Variants in PKP1 observed in about 807,000 individuals in gnomAD.
The protein encoded by PKP1 is plakophilin 1, also known as plakophilin-1.
In PKP1, 27 loss-of-function variants were observed where a neutral mutation model predicts 76.4. The ratio of observed to expected loss-of-function variants is 0.35; its 90% CI spans 0.26 to 0.49. The LOEUF is 0.49. Among genes scored for constraint, PKP1 ranks in the 20% least tolerant of loss-of-function variants. The pLI, the probability that PKP1 is intolerant of heterozygous loss-of-function variation, is 0.99. For missense variants in PKP1, 964 were observed against 955.2 expected, an observed-to-expected ratio of 1.01 and a Z score of -0.12; for synonymous variants, 404 against 384.2, an observed-to-expected ratio of 1.05 and a Z score of -0.60.
intron 12 of PKP1, chr1:201,328,395 A>T (rs1657212633): frequency 2.9e-6 from 1 of 350,240 alleles, no homozygotes; most frequent in African/African-American, 2.1e-5. Context: ...TTGTTTAAAA[A>T]AAGAAAAGAT....
rs200793499 is a variant in PKP1, at chr1:201,322,997, G to A, written c.1504-16G>A. On this transcript the variant is annotated splice_polypyrimidine_tract_variant and intron_variant, in intron 8 of 13. Transcript: ENST00000367324. ...AGGCTCCCCATTGACCCCCCTGACC[G>A]GCTCTTTATCCTCAGAACAACAACT... The A allele has an allele frequency of 1.7e-5, 27 of 1,613,520 alleles. No individual in the cohort carries two copies. The highest frequency in any genetic ancestry group is 9.3e-5 in the African/African-American group (7 of 75,006).
At chr1:201,289,301 G>A (rs1165286245) in intron 1 of PKP1, among the ~76,000 whole-genome samples, 1 of 152,244 alleles carries the variant, frequency 6.6e-6, no homozygotes, top group African/African-American at 2.4e-5. Context: ...AGATTTCAGA[G>A]GGTGAAGTAA....
chr1:201,287,893 A>G (rs1394194869), intron 1 of PKP1, among the ~76,000 whole-genome samples: 2 of 152,226 alleles, frequency 1.3e-5, no homozygotes, highest in South Asian at 4.1e-4. Context: ...CGAATGTTAG[A>G]TATCTTCATG....
At chr1:201,301,071 C>T (rs1481885327) in intron 2 of PKP1, among the ~76,000 whole-genome samples, 2 of 152,322 alleles carry the variant, frequency 1.3e-5, no homozygotes, top group East Asian at 1.9e-4. Flanking sequence ...AACAATGCTC[C>T]TCAGGGCCGA....
At chr1:201,315,460 A>T (rs1051164301) in intron 3 of PKP1, among the ~76,000 whole-genome samples, 5 of 151,604 alleles carry the variant, frequency 3.3e-5, no homozygotes, top group Non-Finnish European at 7.4e-5. Context: ...CCACCCTGTG[A>T]CTCTACACCA....
At chr1:201,291,169 T>C (rs1002728213) in intron 1 of PKP1, among the ~76,000 whole-genome samples, 2 of 152,134 alleles carry the variant, frequency 1.3e-5, no homozygotes, top group African/African-American at 4.8e-5. Flanking sequence ...CCGCCCCAAA[T>C]ACTGTCACCT....
intron 1 of PKP1, 61 bp downstream of exon 1, chr1:201,283,965 C>G: frequency 1.3e-6 from 2 of 1,484,976 alleles, no homozygotes; most frequent in Non-Finnish European, 1.9e-6. Context: ...GGCCCAGTGG[C>G]GGGGACCAAG....
chr1:201,308,240 G>A (rs1306311582), intron 2 of PKP1, among the ~76,000 whole-genome samples: 5 of 152,192 alleles, frequency 3.3e-5, no homozygotes, highest in Admixed American at 1.3e-4. Flanking sequence ...CCTACCTACC[G>A]CCAGCCCACT....
Position 201,323,155 on chromosome 1 carries a change from G to T in PKP1, c.1646G>T (p.Gly549Val), listed in dbSNP as rs202228705. 3 of 1,614,118 alleles carry T rather than the reference G, an allele frequency of 1.9e-6. No individual in the cohort carries two copies. Among genetic ancestry groups the T allele is most frequent in the Non-Finnish European group, 1.7e-6 (2 of 1,180,034 alleles). The change falls in exon 9 of 14, where the codon GGT (glycine) becomes GTT (valine). Residue 549 changes from glycine to valine, a missense_variant. Physicochemically the swap from Gly to Val is moderately radical, Grantham distance 109. Coordinates refer to ENST00000367324, the MANE Select transcript of PKP1 (RefSeq NM_001005337.3). The part of the protein sequence containing the change: ...KKDATLEACA[G>V]ALQNLTASKG... ...GATGCTACCCTGGAGGCCTGTGCTG[G>T]TGCCCTGCAGAACCTGACAGCCAGC...
intron 2 of PKP1, among the ~76,000 whole-genome samples, chr1:201,296,324 A>G (rs910453253): frequency 2.0e-5 from 3 of 152,220 alleles, no homozygotes; most frequent in Non-Finnish European, 4.4e-5. Flanking sequence ...GCGAAAAGGC[A>G]ATAGAGATCT....
intron 12 of PKP1, 142 bp downstream of exon 12, chr1:201,325,980 G>T (rs1033186359): frequency 4.4e-6 from 3 of 684,082 alleles, no homozygotes; most frequent in Non-Finnish European, 8.1e-6. Context: ...CAGCGTCTAC[G>T]TGAAAATGAA....
In PKP1 at chr1:201,313,480, C is replaced by G; in HGVS notation, c.621C>G (p.Ala207=). ...GCCCTGTGCGCCCGCCCTCTTGTGC[C>G]TCCAAGCAGGACCCTGTGTATATCC... The part of the protein sequence containing the change: ...KKCPVRPPSC[A]SKQDPVYIPP... The change falls in exon 3 of 14, where the codon GCC becomes GCG. Residue 207 remains alanine, a synonymous_variant. Transcript: ENST00000367324. 3 of 1,613,676 alleles carry G rather than the reference C, an allele frequency of 1.9e-6. No individual in the cohort carries two copies. Among genetic ancestry groups the G allele is most frequent in the Non-Finnish European group, 2.5e-6 (3 of 1,179,900 alleles).
At chr1:201,323,752 C>CAG (rs1657021493) in intron 9 of PKP1, among the ~76,000 whole-genome samples, 1 of 152,168 alleles carries the variant, frequency 6.6e-6, no homozygotes, top group East Asian at 1.9e-4. Flanking sequence ...GGGAACCGAG[C>CAG]AGCAGCAGCA....
chr1:201,287,498 C>T (rs926376929), intron 1 of PKP1, among the ~76,000 whole-genome samples: 2 of 152,154 alleles, frequency 1.3e-5, no homozygotes, highest in South Asian at 2.1e-4. Flanking sequence ...TTCTTGGGAC[C>T]GAAGCTGAGA....
intron 6 of PKP1, chr1:201,320,030 G>A (rs936336349): frequency 1.5e-5 from 12 of 823,370 alleles, no homozygotes; most frequent in Non-Finnish European, 1.9e-5. Context: ...TTGGCTAAAT[G>A]GTTTCTCTTT....
intron 3 of PKP1, 53 bp downstream of exon 3, chr1:201,313,613 A>T: frequency 1.3e-6 from 2 of 1,569,848 alleles, no homozygotes; most frequent in Non-Finnish European, 1.7e-6. Flanking sequence ...GGGGAGACAC[A>T]CCCTTAGCCT....
rs145561852 is a variant in PKP1 at position 201,318,692 on chromosome 1, G to C, written c.1129G>C (p.Asp377His). ...TGCCGACGCCCTGCCTGTTCTGGCC[G>C]ACCGCGTCATCATTCCCTTCTCTGG... ...LIADALPVLA[D>H]RVIIPFSGWC... Residue 377 changes from aspartate (D) to histidine (H), a missense_variant, in exon 6 of 14, where the codon GAC (aspartate) becomes CAC (histidine). By Grantham distance (81) the Asp-to-His change is moderately conservative (BLOSUM62 -1). Coordinates refer to ENST00000367324, the MANE Select transcript of PKP1 (RefSeq NM_001005337.3). 6.2e-7 allele frequency: 1 copy of C among 1,612,316 alleles called. No individual in the cohort carries two copies. The highest frequency in any genetic ancestry group is 1.7e-5 in the Admixed American group (1 of 60,024).
In PKP1 at chr1:201,328,853, C is replaced by A. The variant is rs781530697; in HGVS notation, c.*17C>A. 1 of 1,607,224 alleles carries A rather than the reference C, an allele frequency of 6.2e-7. No individual in the cohort carries two copies. The highest frequency in any genetic ancestry group is 8.5e-7 in the Non-Finnish European group (1 of 1,173,672). ...CGATTCTAAGAAGAGACTGTCCAAG[C>A]AAGTTAGGCTTGCAGGTAAGAATCA... On this transcript the variant is annotated 3_prime_UTR_variant, in exon 13 of 14. Coordinates refer to ENST00000367324, the MANE Select transcript of PKP1 (RefSeq NM_001005337.3).
intron 1 of PKP1, among the ~76,000 whole-genome samples, chr1:201,293,110 G>T (rs1655968358): frequency 6.6e-6 from 1 of 152,182 alleles, no homozygotes; most frequent in Admixed American, 6.5e-5. Flanking sequence ...TGGTGAGCCT[G>T]TCACCATTGG....
Sources: gnomAD v4.1 joint callset for allele counts (sites outside exome capture counted in the v4.1 genomes callset) on GRCh38, gnomAD v4.1.1 for gene constraint, MANE v1.5 for transcripts, NCBI Gene and HGNC (gene_info 2026-07-23, HGNC 2026-07-21) for gene names.